CARF: variants seen among roughly 807,000 people sequenced by gnomAD.
CARF encodes the protein calcium responsive transcription factor.
A neutral mutation model predicts 82.0 loss-of-function variants in CARF; 57 were observed. That is an observed-to-expected ratio of 0.70 (90% confidence interval 0.56 to 0.87). The LOEUF is 0.87. CARF is among the 40% of genes least tolerant of loss of function. The pLI, the probability that CARF is intolerant of heterozygous loss-of-function variation, is 0.00. For synonymous variants in CARF, 268 were observed against 290.1 expected (o/e 0.92, Z 0.77); for missense variants, 771 against 855.8 (o/e 0.90, Z 1.24).
rs1438233324 is a variant in CARF at position 202,984,423 on chromosome 2, A to C, written c.*799A>C. 2 of 152,202 alleles carry C rather than the reference A, an allele frequency of 1.3e-5. No homozygotes were observed. The highest frequency in any genetic ancestry group is 2.9e-5 in the Non-Finnish European group (2 of 68,022). The allele number at this position is 152,202 out of a possible 1,614,324, so 9.4% of individuals were successfully genotyped here. The stretch of plus-strand genomic sequence containing the variant: ...GCAGAAAGATGTAGAAATTAAGAGA[A>C]TTGAAAAAGAATAATAGAATTCCTT... On this transcript the variant is annotated 3_prime_UTR_variant, in exon 17 of 17. Transcript: ENST00000438828.
intron 3 of CARF, among the ~76,000 whole-genome samples, chr2:202,929,330 G>C (rs1692449987): frequency 6.6e-6 from 1 of 152,142 alleles, no homozygotes; most frequent in Non-Finnish European, 1.5e-5. Context: ...TCACATTTAA[G>C]TCTTTAATCC....
intron 3 of CARF, among the ~76,000 whole-genome samples, chr2:202,936,928 T>G (rs1349972632): frequency 6.6e-6 from 1 of 152,232 alleles, no homozygotes; most frequent in East Asian, 1.9e-4. Flanking sequence ...GTTGCATGGT[T>G]TTAGTTCTTA....
intron 5 of CARF, among the ~76,000 whole-genome samples, chr2:202,943,629 C>CACACACAT (rs1553559948): frequency 8.5e-6 from 1 of 117,712 alleles, no homozygotes. Context: ...CACACACACA[C>CACACACAT]ATATTAGGCT....
intron 8 of CARF, among the ~76,000 whole-genome samples, chr2:202,956,552 G>C (rs1408236929): frequency 6.6e-6 from 1 of 151,644 alleles, no homozygotes; most frequent in East Asian, 1.9e-4. Flanking sequence ...CGCCAGGCCA[G>C]ATTTTGAATT....
At chr2:202,918,561 A>C (rs1359014463) in intron 2 of CARF, among the ~76,000 whole-genome samples, 1 of 152,134 alleles carries the variant, frequency 6.6e-6, no homozygotes, top group African/African-American at 2.4e-5. Context: ...AAACAAAAAA[A>C]AACTTTACTT....
intron 3 of CARF, among the ~76,000 whole-genome samples, chr2:202,932,063 A>T (rs935850140): frequency 1.3e-5 from 2 of 152,184 alleles, no homozygotes; most frequent in African/African-American, 4.8e-5. Context: ...GGGAACCAGC[A>T]TTTCACATGG....
chr2:202,913,556 C>T (rs900552779), intron 1 of CARF, among the ~76,000 whole-genome samples: 3 of 152,176 alleles, frequency 2.0e-5, no homozygotes, highest in Non-Finnish European at 2.9e-5. Context: ...AACCTCTGTG[C>T]TGAAGTCCCA....
rs575899512 is a variant in CARF, at chr2:202,983,540, C to G, written c.2094C>G (p.Ser698Arg). The G allele has an allele frequency of 5.6e-6, 9 of 1,609,586 alleles. No homozygotes were observed. The South Asian group carries it at 8.9e-5, about 16-fold the overall frequency. ...ATCCAGAAAGTACCATTTCTGTGAG[C>G]CAAGTTAAACAAGAACCCAAAGAAC... Reference protein sequence around the residue: ...EENPESTISVSQVKQEPKEPA... With the variant: ...EENPESTISVRQVKQEPKEPA... The change falls in exon 17 of 17, where the codon AGC becomes AGG. Residue 698 changes from serine to arginine, a missense_variant. Ser to Arg is a moderately radical substitution (Grantham distance 110). Coordinates refer to ENST00000438828, the MANE Select transcript of CARF (RefSeq NM_024744.17).
At chr2:202,960,406 C>A (rs769825469) in intron 8 of CARF, among the ~76,000 whole-genome samples, 18 of 152,064 alleles carry the variant, frequency 1.2e-4, no homozygotes, top group African/African-American at 4.3e-4. Flanking sequence ...AGTGCCGCCA[C>A]GCCCAGCTAA....
chr2:202,987,867 A>T lies in CARF; in HGVS notation c.*4243A>T, dbSNP rs1480774616. Among the ~76,000 whole-genome samples the T allele has an allele frequency of 1.3e-5, 2 of 152,158 alleles. No homozygotes were observed. Among genetic ancestry groups the T allele is most frequent in the Non-Finnish European group, 2.9e-5 (2 of 68,032 alleles). On this transcript the variant is annotated 3_prime_UTR_variant, in exon 17 of 17. Coordinates refer to ENST00000438828, the MANE Select transcript of CARF (RefSeq NM_024744.17). ...GTACATATTTAAAGTACCCAATATG[A>T]TAAGTTTTGTCATATGCATACAGCC... is the stretch of plus-strand genomic sequence containing the variant.
At chr2:202,960,031 A>C (rs1281226658) in intron 8 of CARF, among the ~76,000 whole-genome samples, 4 of 152,206 alleles carry the variant, frequency 2.6e-5, no homozygotes, top group African/African-American at 9.6e-5. Flanking sequence ...GGATGGGAAC[A>C]TAAATGGAAG....
chr2:202,947,481 G>A (rs934488612), intron 5 of CARF, among the ~76,000 whole-genome samples: 29 of 152,166 alleles, frequency 1.9e-4, no homozygotes, highest in African/African-American at 6.5e-4. Context: ...TGTCGGGGGG[G>A]TAGGGGGAAA....
intron 8 of CARF, among the ~76,000 whole-genome samples, chr2:202,957,036 G>A (rs1264850604): frequency 3.3e-5 from 5 of 151,792 alleles, no homozygotes; most frequent in Non-Finnish European, 4.4e-5. Flanking sequence ...TGATCCTCCC[G>A]CCTCAGCCTC....
intron 3 of CARF, among the ~76,000 whole-genome samples, chr2:202,940,272 G>C (rs571331572): frequency 3.4e-4 from 51 of 151,942 alleles, no homozygotes; most frequent in Non-Finnish European, 6.3e-4. Context: ...GACCACAAGC[G>C]ATCCACCTAC....
rs371138944 is a variant in CARF, at chr2:202,975,481, C to T, written c.1494+985C>T. On this transcript the variant is annotated intron_variant, in intron 13 of 16. Coordinates refer to ENST00000438828, the MANE Select transcript of CARF (RefSeq NM_024744.17). Reference sequence around the variant, plus strand: ...AAAATTAGCTGGGTGTGGTGGCGTGCGCCTGTAATCCCAGCTACTCGGGAG... The same window carrying T: ...AAAATTAGCTGGGTGTGGTGGCGTGTGCCTGTAATCCCAGCTACTCGGGAG... 2.7e-4 allele frequency among the ~76,000 whole-genome samples: 41 copies of T among 151,560 alleles called. No homozygotes were observed. The South Asian group carries it at 4.4e-3, about 16-fold the overall frequency.
chr2:202,982,134 T>C lies in CARF; in HGVS notation c.1752T>C (p.Asn584=), dbSNP rs1261777432. The change falls in exon 16 of 17, where the codon AAT becomes AAC. Residue 584 remains asparagine (N), a synonymous_variant. Transcript: ENST00000438828. ...AATCACCAGCTGTGGTATCAGTAAA[T>C]AACCAGCCGTCCTCTAGTCCTTCAG... is the stretch of plus-strand genomic sequence containing the variant. ...PDESPAVVSV[N]NQPSSSPSGL... 1.2e-6 allele frequency: 2 copies of C among 1,614,166 alleles called. No individual in the cohort carries two copies. The highest frequency in any genetic ancestry group is 8.5e-7 in the Non-Finnish European group (1 of 1,180,002).
rs1227388285 is a variant in CARF, at chr2:202,973,595, G to A, written c.1332-739G>A. On this transcript the variant is annotated intron_variant, in intron 12 of 16. Transcript: ENST00000438828. ...TCTCTTATTTACTAGGTAGGTGTAT[G>A]ATTTTGGGCAAATTATTTCACTTCT... The A allele has an allele frequency of 2.1e-5, 7 of 325,972 alleles. No individual in the cohort carries two copies. The Admixed American group carries it at 3.1e-4, about 14-fold the overall frequency. The allele number at this position is 325,972 out of a possible 1,614,324, so 20.2% of individuals were successfully genotyped here.
chr2:202,980,198 T>C (rs997012304), intron 14 of CARF, among the ~76,000 whole-genome samples: 1 of 152,138 alleles, frequency 6.6e-6, no homozygotes, highest in Non-Finnish European at 1.5e-5. Flanking sequence ...TCTCAAGTTA[T>C]CCATCTGCTC....
At chr2:202,963,922 C>T (rs1311686121) in intron 9 of CARF, among the ~76,000 whole-genome samples, 1 of 152,180 alleles carries the variant, frequency 6.6e-6, no homozygotes, top group Non-Finnish European at 1.5e-5. Context: ...GCCCACTGCT[C>T]ACCTCCTGCT....
Sources: allele counts gnomAD v4.1 joint callset (sites outside exome capture counted in the v4.1 genomes callset), GRCh38; gene constraint gnomAD v4.1.1; transcripts MANE v1.5; gene names NCBI Gene and HGNC (gene_info 2026-07-23, HGNC 2026-07-21).